ZEB1: variants seen among roughly 807,000 people sequenced by gnomAD.
ZEB1 encodes the protein zinc finger E-box binding homeobox 1.
A neutral mutation model predicts 84.9 loss-of-function variants in ZEB1; 21 were observed. That is an observed-to-expected ratio of 0.25 (90% CI 0.18 to 0.36). ZEB1 has a LOEUF of 0.36. ZEB1 is among the 10% of genes least tolerant of loss of function. The pLI, the probability that ZEB1 is intolerant of heterozygous loss-of-function variation, is 1.00. For synonymous variants in ZEB1, 420 were observed against 471.1 expected (o/e 0.89, Z 1.41); for missense variants, 1,104 against 1,330.2 (o/e 0.83, Z 2.65).
intron 1 of ZEB1, among the ~76,000 whole-genome samples, chr10:31,405,782 T>C (rs1343551110): frequency 6.6e-6 from 1 of 152,000 alleles, no homozygotes; most frequent in Admixed American, 6.6e-5. Context: ...GTCATGGTGG[T>C]TTGTTGCACC....
chr10:31,362,480 C>A (rs1052690738), intron 1 of ZEB1, among the ~76,000 whole-genome samples: 10 of 141,286 alleles, frequency 7.1e-5, no homozygotes, highest in African/African-American at 2.7e-4. Context: ...ACTTCCCAGA[C>A]AGGGCGGCGG....
chr10:31,453,481 C>G (rs766541163), intron 1 of ZEB1, among the ~76,000 whole-genome samples: 1 of 152,120 alleles, frequency 6.6e-6, no homozygotes, highest in African/African-American at 2.4e-5. Flanking sequence ...TGGAACCATA[C>G]TCATATAAGT....
intron 1 of ZEB1, among the ~76,000 whole-genome samples, chr10:31,413,066 A>T (rs1182601872): frequency 6.6e-6 from 1 of 152,202 alleles, no homozygotes; most frequent in African/African-American, 2.4e-5. Context: ...AAGATTGATT[A>T]TATACTTAGG....
intron 1 of ZEB1, among the ~76,000 whole-genome samples, chr10:31,442,569 A>AT (rs201639621): frequency 0.058 from 7,383 of 126,652 alleles, 193 homozygotes; most frequent in African/African-American, 0.12. Context: ...AATAATAATA[A>AT]AAAAAAAAGA....
At chr10:31,328,334 T>C (rs2036037251) in intron 1 of ZEB1, among the ~76,000 whole-genome samples, 1 of 152,212 alleles carries the variant, frequency 6.6e-6, no homozygotes, top group African/African-American at 2.4e-5. Context: ...TGCTTGAGTT[T>C]CTCTGCATGT....
intron 2 of ZEB1, among the ~76,000 whole-genome samples, chr10:31,476,601 C>G (rs1488247354): frequency 6.6e-6 from 1 of 151,896 alleles, no homozygotes; most frequent in Non-Finnish European, 1.5e-5. Context: ...GGATACCTCC[C>G]TAACTCTTTC....
chr10:31,492,145 G>T (rs1456209106), intron 2 of ZEB1, among the ~76,000 whole-genome samples: 2 of 151,802 alleles, frequency 1.3e-5, no homozygotes. Context: ...CGGCTTTCTA[G>T]GCAGAGGGAG....
rs1029704200 is a variant in ZEB1 at position 31,449,096 on chromosome 10, T to G, written c.59-11941T>G. Among the ~76,000 whole-genome samples the G allele has an allele frequency of 2.0e-5, 3 of 152,278 alleles. No homozygotes were observed. In the South Asian group the frequency reaches 6.2e-4, roughly 32 times the overall value. ...TGGGCGTAGGACCCTCTGAGCCAGGTGTGGGATATAGTCTCATGGTGCGCC... is the reference window on the plus strand; with the variant it reads ...TGGGCGTAGGACCCTCTGAGCCAGGGGTGGGATATAGTCTCATGGTGCGCC... On this transcript the variant is annotated intron_variant, in intron 1 of 8. Transcript: ENST00000424869.
intron 1 of ZEB1, among the ~76,000 whole-genome samples, chr10:31,375,457 T>A (rs775599044): frequency 3.3e-5 from 5 of 151,806 alleles, no homozygotes; most frequent in Non-Finnish European, 5.9e-5. Flanking sequence ...AGTGGAGAAT[T>A]TGGTATTTAG....
intron 1 of ZEB1, among the ~76,000 whole-genome samples, chr10:31,450,865 G>A (rs898164222): frequency 7.2e-6 from 1 of 139,274 alleles, no homozygotes; most frequent in African/African-American, 2.9e-5. Context: ...ATTTTATTTA[G>A]GACTGAGCGT....
At chr10:31,390,529 A>G (rs1318541928) in intron 1 of ZEB1, among the ~76,000 whole-genome samples, 1 of 152,202 alleles carries the variant, frequency 6.6e-6, no homozygotes, top group African/African-American at 2.4e-5. Context: ...GATTACTTGA[A>G]TTTATAAAAT....
chr10:31,467,247 C>T (rs773442044), intron 2 of ZEB1, among the ~76,000 whole-genome samples: 1 of 152,108 alleles, frequency 6.6e-6, no homozygotes, highest in Non-Finnish European at 1.5e-5. Context: ...GCCTGGAGAC[C>T]ATACAGAGGC....
intron 1 of ZEB1, among the ~76,000 whole-genome samples, chr10:31,407,738 G>A (rs554621779): frequency 4.0e-4 from 59 of 145,728 alleles, no homozygotes; most frequent in African/African-American, 9.2e-4. Context: ...TTGATGGGAC[G>A]TATCTCAAAA....
At chr10:31,329,410 AT>A (rs1427948258) in intron 1 of ZEB1, among the ~76,000 whole-genome samples, 9 of 152,106 alleles carry the variant, frequency 5.9e-5, no homozygotes, top group African/African-American at 2.2e-4. Context: ...CAAATACACA[AT>A]TTGTGTCGCC....
intron 1 of ZEB1, among the ~76,000 whole-genome samples, chr10:31,447,015 G>T (rs1202582828): frequency 2.0e-5 from 3 of 151,154 alleles, no homozygotes; most frequent in South Asian, 4.2e-4. Context: ...ACAGTGGGGT[G>T]TTAAAGTCTC....
At chr10:31,340,317 G>C (rs965106315) in intron 1 of ZEB1, among the ~76,000 whole-genome samples, 4 of 152,040 alleles carry the variant, frequency 2.6e-5, no homozygotes, top group Admixed American at 2.6e-4. Flanking sequence ...TACATTTTAT[G>C]AATTACTAAC....
intron 1 of ZEB1, among the ~76,000 whole-genome samples, chr10:31,327,017 A>G (rs1439101680): frequency 7.1e-6 from 1 of 141,392 alleles, no homozygotes; most frequent in African/African-American, 2.6e-5. Flanking sequence ...AAAATTTTGT[A>G]CCTCTTTTGT....
chr10:31,379,455 A>G (rs1590595878), intron 1 of ZEB1, among the ~76,000 whole-genome samples: 1 of 151,700 alleles, frequency 6.6e-6, no homozygotes, highest in East Asian at 1.9e-4. Flanking sequence ...GTGTGTATAT[A>G]TATATACATA....
At chr10:31,371,914 C>T (rs1305233619) in intron 1 of ZEB1, among the ~76,000 whole-genome samples, 1 of 152,058 alleles carries the variant, frequency 6.6e-6, no homozygotes, top group Non-Finnish European at 1.5e-5. Context: ...GTGGATTATT[C>T]ACTTTATATT....
Sources: allele counts gnomAD v4.1 joint callset (sites outside exome capture counted in the v4.1 genomes callset), GRCh38; gene constraint gnomAD v4.1.1; transcripts MANE v1.5; gene names NCBI Gene and HGNC (gene_info 2026-07-23, HGNC 2026-07-21).